Variants in DNAJC3 observed in about 807,000 individuals in gnomAD.
The protein encoded by DNAJC3 is DnaJ heat shock protein family (Hsp40) member C3, also known as dnaJ homolog subfamily C member 3.
In DNAJC3, 38 loss-of-function variants were observed where a neutral mutation model predicts 68.6. The ratio of observed to expected loss-of-function variants is 0.55; its 90% confidence interval spans 0.43 to 0.73. The LOEUF (loss-of-function observed/expected upper bound fraction) is 0.73. Ranked by LOEUF, DNAJC3 falls within the 30% of genes least tolerant of loss-of-function variation. DNAJC3 has a pLI of 0.00. For missense variants in DNAJC3, 526 were observed against 591.9 expected (o/e 0.89, Z 1.16); for synonymous variants, 203 against 204.0 (o/e 1.00, Z 0.04).
At chr13:95,713,494 A>G (rs563186170) in intron 2 of DNAJC3, among the ~76,000 whole-genome samples, 3 of 152,250 alleles carry the variant, frequency 2.0e-5, no homozygotes, top group Non-Finnish European at 2.9e-5. Flanking sequence ...AGAAAGACTT[A>G]AATGAAGAGA....
intron 1 of DNAJC3, among the ~76,000 whole-genome samples, chr13:95,682,532 T>C (rs951004331): frequency 8.5e-5 from 13 of 152,222 alleles, no homozygotes; most frequent in African/African-American, 3.1e-4. Context: ...ATTCTAATAC[T>C]AATTTCAGTG....
At chr13:95,691,247 C>T (rs1241714924) in intron 1 of DNAJC3, among the ~76,000 whole-genome samples, 2 of 151,996 alleles carry the variant, frequency 1.3e-5, no homozygotes, top group Non-Finnish European at 2.9e-5. Context: ...AGACGCTCCT[C>T]ACTTCCCAGA....
intron 4 of DNAJC3, among the ~76,000 whole-genome samples, chr13:95,725,706 G>T (rs1881487776): frequency 6.6e-6 from 1 of 150,444 alleles, no homozygotes; most frequent in African/African-American, 2.5e-5. Context: ...TAAGTTTTAG[G>T]GTACATGTGC....
chr13:95,712,539 G>A (rs1199072110), intron 2 of DNAJC3, among the ~76,000 whole-genome samples: 1 of 151,888 alleles, frequency 6.6e-6, no homozygotes, highest in Non-Finnish European at 1.5e-5. Flanking sequence ...ACCACGTCCA[G>A]CTAATTTTTG....
chr13:95,755,688 C>T (rs1399234738), intron 4 of DNAJC3, among the ~76,000 whole-genome samples: 7 of 129,872 alleles, frequency 5.4e-5, no homozygotes, highest in Non-Finnish European at 9.3e-5. Context: ...ACCCAGGAGA[C>T]GGAGGTTGCA....
At chr13:95,747,956 C>T (rs1394086753) in intron 4 of DNAJC3, among the ~76,000 whole-genome samples, 1 of 152,148 alleles carries the variant, frequency 6.6e-6, no homozygotes, top group African/African-American at 2.4e-5. Context: ...ATATGACTGT[C>T]TTATTTCTAT....
At chr13:95,770,147 T>G (rs1883119476) in intron 9 of DNAJC3, among the ~76,000 whole-genome samples, 1 of 152,128 alleles carries the variant, frequency 6.6e-6, no homozygotes, top group Non-Finnish European at 1.5e-5. Context: ...TAGGTTTGAA[T>G]AGAGAAAGAC....
chr13:95,778,238 G>A (rs1883340767), intron 9 of DNAJC3, among the ~76,000 whole-genome samples: 1 of 152,112 alleles, frequency 6.6e-6, no homozygotes, highest in Non-Finnish European at 1.5e-5. Context: ...AAATATTGGA[G>A]ACATTACACT....
Position 95,725,247 on chromosome 13 carries a change from A to G in DNAJC3, c.388A>G (p.Lys130Glu), listed in dbSNP as rs533796228. ...TGATGAAGCAGAAGATGATTTTAAA[A>G]AAGTGGTAAGTTCAATATGTATTTG... ...KLDEAEDDFK[K>E]VLKSNPSENE... is the part of the protein sequence containing the mutation. Residue 130 changes from lysine to glutamate, a missense_variant, in exon 4 of 12, where the codon AAA becomes GAA. Lys to Glu is a moderately conservative substitution (Grantham distance 56, BLOSUM62 1). Coordinates refer to ENST00000602402, the MANE Select transcript of DNAJC3 (RefSeq NM_006260.5). 6.3e-7 allele frequency: 1 copy of G among 1,593,960 alleles called. No individual in the cohort carries two copies. The highest frequency in any genetic ancestry group is 8.5e-7 in the Non-Finnish European group (1 of 1,172,652).
chr13:95,678,417 A>G (rs1879825550), intron 1 of DNAJC3, among the ~76,000 whole-genome samples: 2 of 152,216 alleles, frequency 1.3e-5, no homozygotes, highest in East Asian at 1.9e-4. Flanking sequence ...ACCCATAGCA[A>G]TGGGCTTTTG....
Position 95,677,194 on chromosome 13 carries a change from A to T in DNAJC3, c.-62A>T. On this transcript the variant is annotated 5_prime_UTR_variant, in exon 1 of 12. Transcript: ENST00000602402. The stretch of plus-strand genomic sequence containing the variant: ...GGCGGGCGGGCGCAGCTGCTGCCGG[A>T]GCGCCGGCGCGTGCTGGTGGGCCAC... The T allele has an allele frequency of 6.6e-7, 1 of 1,505,842 alleles. No homozygotes were observed. Among genetic ancestry groups the T allele is most frequent in the Non-Finnish European group, 9.0e-7 (1 of 1,114,350 alleles). The allele number at this position is 1,505,842 out of a possible 1,614,324, so 93.3% of individuals were successfully genotyped here.
Position 95,785,936 on chromosome 13 carries a change from C to T in DNAJC3, c.1076-3C>T, listed in dbSNP as rs1295766847. The T allele has an allele frequency of 6.3e-7, 1 of 1,577,672 alleles. No homozygotes were observed. Among genetic ancestry groups the T allele is most frequent in the Non-Finnish European group, 8.6e-7 (1 of 1,167,688 alleles). On this transcript the variant is annotated splice_region_variant and splice_polypyrimidine_tract_variant and intron_variant, in intron 9 of 11. Transcript: ENST00000602402. ...CAATATTATCTTAAACATATTTTGA[C>T]AGCTATTCAGGATTATGAAACTGCT...
Position 95,718,654 on chromosome 13 carries a change from G to T in DNAJC3, c.194-4588G>T, listed in dbSNP as rs753088539. The stretch of plus-strand genomic sequence containing the variant: ...GGCCTCAAGTGATCCACCCGCCTTG[G>T]CCTCCCAAAATGCTGGTATTACAGG... On this transcript the variant is annotated intron_variant, in intron 2 of 11. Transcript: ENST00000602402. Among the ~76,000 whole-genome samples the T allele has an allele frequency of 2.0e-5, 3 of 152,258 alleles. No homozygotes were observed. In the South Asian group the frequency reaches 6.2e-4, roughly 32 times the overall value.
chr13:95,717,017 G>A (rs1393241635), intron 2 of DNAJC3, among the ~76,000 whole-genome samples: 1 of 152,120 alleles, frequency 6.6e-6, no homozygotes, highest in Non-Finnish European at 1.5e-5. Context: ...TTATGCAGTA[G>A]GTGGTGATGG....
At chr13:95,767,640 C>T (rs2139681558) in intron 9 of DNAJC3, among the ~76,000 whole-genome samples, 1 of 151,346 alleles carries the variant, frequency 6.6e-6, no homozygotes, top group Admixed American at 6.6e-5. Flanking sequence ...ATTTTACCAG[C>T]AGTGTATTAA....
intron 1 of DNAJC3, among the ~76,000 whole-genome samples, chr13:95,708,810 C>CT (rs1880854511): frequency 6.6e-6 from 1 of 152,166 alleles, no homozygotes; most frequent in Non-Finnish European, 1.5e-5. Flanking sequence ...ATGTTGCTCA[C>CT]TTATTGCAGA....
intron 1 of DNAJC3, among the ~76,000 whole-genome samples, chr13:95,680,521 A>G (rs1879884997): frequency 1.3e-5 from 2 of 152,222 alleles, no homozygotes; most frequent in East Asian, 1.9e-4. Context: ...AGTAATTTAA[A>G]TAAATTAAGT....
intron 2 of DNAJC3, among the ~76,000 whole-genome samples, chr13:95,720,785 A>G (rs1044205788): frequency 1.6e-4 from 24 of 151,886 alleles, no homozygotes; most frequent in African/African-American, 5.6e-4. Context: ...GGGATCATAT[A>G]TTTTTATTTT....
chr13:95,786,667 CAAA>C (rs1233161918), intron 10 of DNAJC3, among the ~76,000 whole-genome samples: 2 of 152,076 alleles, frequency 1.3e-5, no homozygotes, highest in African/African-American at 2.4e-5. Context: ...CATTCAGAGT[CAAA>C]TATTTTTTAA....
Sources: gnomAD v4.1 joint callset for allele counts (sites outside exome capture counted in the v4.1 genomes callset) on GRCh38, gnomAD v4.1.1 for gene constraint, MANE v1.5 for transcripts, NCBI Gene and HGNC (gene_info 2026-07-23, HGNC 2026-07-21) for gene names.